RNASE9: variants seen among roughly 807,000 people sequenced by gnomAD.
RNASE9 encodes the protein inactive ribonuclease-like protein 9.
For missense variants in RNASE9, 263 were observed against 247.1 expected (o/e 1.06, Z -0.43); for synonymous variants, 95 against 87.6 (o/e 1.08, Z -0.47).
chr14:20,558,170 T>G, exon 3 of RNASE9: 1 of 335,268 alleles, frequency 3.0e-6, no homozygotes, highest in Non-Finnish European at 5.6e-6. Context: ...ACCTCCTGAG[T>G]TTTCTTACCT....
At chr14:20,559,348 G>A (rs987683117) in intron 2 of RNASE9, among the ~76,000 whole-genome samples, 1 of 152,036 alleles carries the variant, frequency 6.6e-6, no homozygotes, top group Non-Finnish European at 1.5e-5. Context: ...ACACAAAGTA[G>A]ATTATAGGGT....
chr14:20,556,987 T>C, exon 3 of RNASE9: 2 of 1,614,108 alleles, frequency 1.2e-6, no homozygotes, highest in Non-Finnish European at 1.7e-6. Flanking sequence ...TGTATCCACC[T>C]CTTGAAACTG....
At chr14:20,559,512 A>G (rs1292708144) in intron 2 of RNASE9, 70 bp downstream of exon 2, 1 of 152,118 alleles carries the variant, frequency 6.6e-6, no homozygotes, top group Non-Finnish European at 1.5e-5. Flanking sequence ...ATAGTGTTGA[A>G]ACATGATCAC....
At chr14:20,560,576 G>C (rs1883914040) in intron 1 of RNASE9, among the ~76,000 whole-genome samples, 1 of 151,770 alleles carries the variant, frequency 6.6e-6, no homozygotes, top group Non-Finnish European at 1.5e-5. Context: ...AAAGGGAAAG[G>C]TTAAAATGAG....
chr14:20,558,688 A>C, intron 2 of RNASE9: 1 of 1,119,400 alleles, frequency 8.9e-7, no homozygotes, highest in South Asian at 1.3e-5. Context: ...TGAAAAGCAG[A>C]ATTCAGGCAG....
chr14:20,557,416 T>G, exon 3 of RNASE9: 1 of 223,948 alleles, frequency 4.5e-6, no homozygotes, highest in South Asian at 1.2e-4. Context: ...AGAAAGGAAA[T>G]CAAGACAGCA....
chr14:20,558,264 T>C (rs1393909096), exon 3 of RNASE9: 2 of 550,998 alleles, frequency 3.6e-6, no homozygotes, highest in East Asian at 3.0e-5. Flanking sequence ...CCTTGATCTA[T>C]CAGTGATGGA....
At chr14:20,556,217 C>T in exon 3 of RNASE9, 1 of 461,612 alleles carries the variant, frequency 2.2e-6, no homozygotes, top group African/African-American at 1.9e-5. Context: ...CTGCAGGCAT[C>T]TGTATCCGTA....
chr14:20,558,593 G>A (rs1035572995), exon 3 of RNASE9: 1 of 1,550,872 alleles, frequency 6.4e-7, no homozygotes, highest in Admixed American at 2.0e-5. Flanking sequence ...CATGGTGACA[G>A]GTCAGAGAGC....
exon 3 of RNASE9, chr14:20,557,646 G>A (rs1883761516): frequency 6.5e-6 from 1 of 153,030 alleles, no homozygotes; most frequent in South Asian, 2.1e-4. Context: ...GGTCAAGGAA[G>A]GTTCAAGTTT....
intron 1 of RNASE9, among the ~76,000 whole-genome samples, chr14:20,559,865 G>T (rs1003845237): frequency 6.6e-6 from 1 of 152,138 alleles, no homozygotes; most frequent in African/African-American, 2.4e-5. Flanking sequence ...ATGAACATGG[G>T]TGCACAAATA....
chr14:20,556,590 C>T, exon 3 of RNASE9: 1 of 1,613,844 alleles, frequency 6.2e-7, no homozygotes, highest in Non-Finnish European at 8.5e-7. Flanking sequence ...CGTAGCCCTT[C>T]CTATAAAGTG....
At chr14:20,556,587 C>T (rs1257274495) in exon 3 of RNASE9, 2 of 1,613,726 alleles carry the variant, frequency 1.2e-6, no homozygotes, top group Admixed American at 3.3e-5. Flanking sequence ...GGACGTAGCC[C>T]TTCCTATAAA....
At chr14:20,556,388 G>T in exon 3 of RNASE9, 2 of 1,186,238 alleles carry the variant, frequency 1.7e-6, no homozygotes, top group South Asian at 1.5e-5. Context: ...TCTCAACTTT[G>T]ATCTATAAGG....
At chr14:20,556,406 T>C (rs1169188626) in exon 3 of RNASE9, 1 of 1,339,418 alleles carries the variant, frequency 7.5e-7, no homozygotes, top group Admixed American at 1.9e-5. Context: ...AGGATCAGTA[T>C]GGAGAGAAAT....
chr14:20,556,762 T>C lies in RNASE9; in HGVS notation c.308A>G (p.Tyr103Cys), dbSNP rs200594652. The C allele has an allele frequency of 1.1e-4, 172 of 1,613,804 alleles. No homozygotes were observed. Among genetic ancestry groups the C allele is most frequent in the Non-Finnish European group, 1.4e-4 (167 of 1,179,820 alleles). ...CTCGTCATATTGCATAAGAAGGAAG[T>C]AATGTTCTGCCACCCAACGGTGTTT... Residue 103 changes from tyrosine (Y) to cysteine (C), a missense_variant, in exon 3 of 3, where the codon TAC becomes TGC. Transcript: ENST00000555230.
chr14:20,558,594 G>C, exon 3 of RNASE9: 4 of 1,550,816 alleles, frequency 2.6e-6, no homozygotes, highest in Non-Finnish European at 3.5e-6. Flanking sequence ...ATGGTGACAG[G>C]TCAGAGAGCT....
chr14:20,557,016 C>T (rs993177678), exon 3 of RNASE9: 1 of 1,612,780 alleles, frequency 6.2e-7, no homozygotes, highest in East Asian at 2.2e-5. Flanking sequence ...GCAGCAGCTG[C>T]TGCGGCAATA....
exon 3 of RNASE9, chr14:20,557,325 GGGA>G (rs1368233267): frequency 4.7e-6 from 2 of 429,466 alleles, no homozygotes; most frequent in Admixed American, 3.9e-5. Flanking sequence ...GAATGAGAAA[GGGA>G]GAGAAATAAA....
Sources: gnomAD v4.1 joint callset for allele counts (sites outside exome capture counted in the v4.1 genomes callset) on GRCh38, gnomAD v4.1.1 for gene constraint, MANE v1.5 for transcripts, NCBI Gene and HGNC (gene_info 2026-07-23, HGNC 2026-07-21) for gene names.